The following ALDH1A3 variants were observed in gnomAD, a reference collection of about 807,000 sequenced individuals.
ALDH1A3 encodes retinaldehyde dehydrogenase 3.
A neutral mutation model predicts 57.5 loss-of-function variants in ALDH1A3; 28 were observed. That is an observed-to-expected ratio of 0.49 (90% CI 0.36 to 0.67). The LOEUF (loss-of-function observed/expected upper bound fraction) is 0.67. ALDH1A3 is among the 30% of genes least tolerant of loss of function. ALDH1A3 has a pLI of 0.00. For missense variants in ALDH1A3, 507 were observed against 669.4 expected (o/e 0.76, Z 2.68); for synonymous variants, 281 against 264.8 (o/e 1.06, Z -0.59).
intron 9 of ALDH1A3, among the ~76,000 whole-genome samples, chr15:100,903,781 A>G (rs2041794647): frequency 6.6e-6 from 1 of 152,200 alleles, no homozygotes; most frequent in Non-Finnish European, 1.5e-5. Flanking sequence ...CTTATTATAT[A>G]TTTAAAAACC....
intron 8 of ALDH1A3, among the ~76,000 whole-genome samples, 188 bp downstream of exon 8, chr15:100,898,373 G>T (rs1479238527): frequency 6.6e-6 from 1 of 152,264 alleles, no homozygotes; most frequent in East Asian, 1.9e-4. Context: ...CAAAATGCCA[G>T]CTTTACTTCT....
chr15:100,895,449 CAAA>C (rs796542093), intron 6 of ALDH1A3: 24 of 131,896 alleles, frequency 1.8e-4, no homozygotes, highest in Admixed American at 6.0e-4. Context: ...GACTCCATCT[CAAA>C]AAAAAAAAAA....
intron 12 of ALDH1A3, among the ~76,000 whole-genome samples, chr15:100,910,653 C>T (rs1368909877): frequency 6.6e-6 from 1 of 152,250 alleles, no homozygotes; most frequent in Non-Finnish European, 1.5e-5. Flanking sequence ...GGACCTTGCT[C>T]AACAGGGATC....
rs774884981 is a variant in ALDH1A3, at chr15:100,898,199, C to T, written c.883+14C>T. ...CGGACGCTGACTGTGAGTCTCTGCC[C>T]TCCTGGGCTTTGCTGGGGCTTCAGG... On this transcript the variant is annotated intron_variant, in intron 8 of 12. Transcript: ENST00000329841. 1.9e-6 allele frequency: 3 copies of T among 1,611,162 alleles called. No individual in the cohort carries two copies. The highest frequency in any genetic ancestry group is 2.5e-6 in the Non-Finnish European group (3 of 1,177,758).
rs893934020 is a variant in ALDH1A3, at chr15:100,906,370, C to G, written c.1233+683C>G. On this transcript the variant is annotated intron_variant, in intron 10 of 12. Coordinates refer to ENST00000329841, the MANE Select transcript of ALDH1A3 (RefSeq NM_000693.4). This position sits in a 1 kb window ranked among gnomAD's most constrained non-coding sequence, Gnocchi z 4.8. ...TTTGGGGCACATAAAAGGATGAGTC[C>G]CTGCCAAGGGCTTTCTGGGGCAGGT... Among the ~76,000 whole-genome samples, 2 of 152,112 alleles carry G rather than the reference C, an allele frequency of 1.3e-5. No individual in the cohort carries two copies. Among genetic ancestry groups the G allele is most frequent in the African/African-American group, 4.8e-5 (2 of 41,416 alleles).
chr15:100,902,434 C>G (rs1248151852), intron 9 of ALDH1A3, among the ~76,000 whole-genome samples: 1 of 152,234 alleles, frequency 6.6e-6, no homozygotes, highest in African/African-American at 2.4e-5. Context: ...AGAGGACTTA[C>G]AGCTGTCTAA....
intron 1 of ALDH1A3, among the ~76,000 whole-genome samples, chr15:100,883,134 A>T (rs569830914): frequency 1.8e-4 from 28 of 152,208 alleles, no homozygotes; most frequent in South Asian, 1.2e-3. Context: ...CCTTATTTAT[A>T]TTCTCTTCTG....
Position 100,894,365 on chromosome 15 carries a change from A to AC in ALDH1A3, c.666+283_666+284insC, listed in dbSNP as rs1555454749. 1.2e-4 allele frequency: 33 copies of AC among 274,790 alleles called. No homozygotes were observed. The highest frequency in any genetic ancestry group is 7.5e-4 in the East Asian group (10 of 13,260). 17.0% of individuals were successfully genotyped at this position (274,790 alleles called of 1,614,324 possible). A position where few individuals can be genotyped will look rare whatever the true frequency, so the allele number is the denominator to read the frequency against. On this transcript the variant is annotated intron_variant, in intron 6 of 12. Coordinates refer to ENST00000329841, the MANE Select transcript of ALDH1A3 (RefSeq NM_000693.4). The surrounding 1 kb of genome is among the most constrained non-coding windows in gnomAD (Gnocchi z 4.5). ...CCAGTGGTTTGTCTAGAGAATTTTCAGGGGGGGTCAACCAAGAGGGAGCCA... is the reference window on the plus strand; with the variant it reads ...CCAGTGGTTTGTCTAGAGAATTTTCACGGGGGGGTCAACCAAGAGGGAGCCA...
At position 100,908,517 on chromosome 15, in the gene ALDH1A3, C is replaced by T. The variant is rs756023264; in HGVS notation, c.1466+35C>T. 4.5e-6 allele frequency: 7 copies of T among 1,556,366 alleles called. No homozygotes were observed. The South Asian group carries it at 7.8e-5, about 17-fold the overall frequency. ...TCCATCATTCTGAGCCTGCCGTGGGCTGAACACTAGATCCACTAGATTTGC... is the reference window on the plus strand; with the variant it reads ...TCCATCATTCTGAGCCTGCCGTGGGTTGAACACTAGATCCACTAGATTTGC... On this transcript the variant is annotated intron_variant, in intron 12 of 12. Coordinates refer to ENST00000329841, the MANE Select transcript of ALDH1A3 (RefSeq NM_000693.4).
In ALDH1A3 at chr15:100,895,956, G is replaced by A. The variant is rs61757679; in HGVS notation, c.690G>A (p.Val230=). The part of the protein sequence containing the change: ...IKEAGFPPGV[V]NIVPGFGPTV... ...AGGCCGGGTTCCCTCCAGGAGTGGT[G>A]AACATTGTGCCAGGATTCGGGCCCA... Residue 230 remains valine, a synonymous_variant, in exon 7 of 13, where the codon GTG becomes GTA. Coordinates refer to ENST00000329841, the MANE Select transcript of ALDH1A3 (RefSeq NM_000693.4). 1,638 of 1,613,560 alleles carry A rather than the reference G, an allele frequency of 1.0e-3. 1 individual carries two copies. The highest frequency in any genetic ancestry group is 1.2e-3 in the Non-Finnish European group (1,471 of 1,179,770).
rs2041833034 is a variant in ALDH1A3, at chr15:100,907,413, A to G, written c.1391+135A>G. 7.9e-6 allele frequency: 8 copies of G among 1,018,280 alleles called. No individual in the cohort carries two copies. The South Asian group carries it at 1.5e-4, about 19-fold the overall frequency. The allele number at this position is 1,018,280 out of a possible 1,614,324, so 63.1% of individuals were successfully genotyped here. A position where few individuals can be genotyped will look rare whatever the true frequency, so the allele number is the denominator to read the frequency against. ...AAGCCCTGTCTCAGTGCTTCCTTCC[A>G]TCCTCATGACCATCTTCTGAGGTAG... On this transcript the variant is annotated intron_variant, in intron 11 of 12. Coordinates refer to ENST00000329841, the MANE Select transcript of ALDH1A3 (RefSeq NM_000693.4).
chr15:100,900,863 G>A, intron 9 of ALDH1A3, 104 bp downstream of exon 9: 2 of 1,260,296 alleles, frequency 1.6e-6, no homozygotes, highest in African/African-American at 1.5e-5. Flanking sequence ...AAGGAATGCT[G>A]ACCTGTCCTG....
chr15:100,895,587 C>G (rs2041694054), intron 6 of ALDH1A3: 2 of 325,754 alleles, frequency 6.1e-6, no homozygotes, highest in Non-Finnish European at 1.2e-5. Context: ...CTCACACACA[C>G]ACACACCCCA....
chr15:100,898,829 G>C (rs2041737875), intron 8 of ALDH1A3, among the ~76,000 whole-genome samples: 1 of 152,204 alleles, frequency 6.6e-6, no homozygotes, highest in Non-Finnish European at 1.5e-5. Flanking sequence ...ATTGTTGGCT[G>C]CCATGTCCAC....
chr15:100,912,747 T>C (rs1241517602), intron 12 of ALDH1A3, among the ~76,000 whole-genome samples: 1 of 152,210 alleles, frequency 6.6e-6, no homozygotes, highest in African/African-American at 2.4e-5. Flanking sequence ...GTTTTCCTAT[T>C]TGATAGTTGA....
At chr15:100,888,907 C>G (rs8035722) in intron 3 of ALDH1A3, 149,659 of 152,314 alleles carry the variant, frequency 0.98, 73,575 homozygotes, top group East Asian at 1. Context: ...TCTAACCTCA[C>G]CTACATGCAC....
chr15:100,907,152 T>A lies in ALDH1A3; in HGVS notation c.1265T>A (p.Phe422Tyr). The change falls in exon 11 of 13, where the codon TTC becomes TAC. Residue 422 changes from phenylalanine to tyrosine, a missense_variant. Physicochemically the swap from Phe to Tyr is conservative, Grantham distance 22. This residue lies in a region of ALDH1A3 where 432 missense variants were observed against 608.4 expected (regional missense o/e 0.71). Coordinates refer to ENST00000329841, the MANE Select transcript of ALDH1A3 (RefSeq NM_000693.4). Reference protein sequence around the residue: ...IFGPVQPILKFKSIEEVIKRA... With the variant: ...IFGPVQPILKYKSIEEVIKRA... Reference sequence around the variant, plus strand: ...GGGCCAGTGCAACCAATACTGAAGTTCAAAAGTATCGAAGAAGTGATAAAA... The same window carrying A: ...GGGCCAGTGCAACCAATACTGAAGTACAAAAGTATCGAAGAAGTGATAAAA... The A allele has an allele frequency of 3.1e-6, 5 of 1,614,082 alleles. No individual in the cohort carries two copies. The highest frequency in any genetic ancestry group is 3.4e-6 in the Non-Finnish European group (4 of 1,180,006).
At chr15:100,896,940 C>T (rs2041710468) in intron 7 of ALDH1A3, among the ~76,000 whole-genome samples, 1 of 152,200 alleles carries the variant, frequency 6.6e-6, no homozygotes, top group African/African-American at 2.4e-5. Context: ...GAAATCCTTA[C>T]TGATGGCCAC....
chr15:100,887,831 C>A lies in ALDH1A3; in HGVS notation c.345+119C>A, dbSNP rs1235378947. Reference sequence around the variant, plus strand: ...GGTTTTGTGTGGTCGTGGGTCTGTTCCATCCTCTGAGACACGGCTCTCTGG... The same window carrying A: ...GGTTTTGTGTGGTCGTGGGTCTGTTACATCCTCTGAGACACGGCTCTCTGG... On this transcript the variant is annotated intron_variant, in intron 3 of 12. Coordinates refer to ENST00000329841, the MANE Select transcript of ALDH1A3 (RefSeq NM_000693.4). This position sits in a 1 kb window ranked among gnomAD's most constrained non-coding sequence, Gnocchi z 4.6. 2 of 1,256,740 alleles carry A rather than the reference C, an allele frequency of 1.6e-6. No individual in the cohort carries two copies. Among genetic ancestry groups the A allele is most frequent in the Non-Finnish European group, 2.1e-6 (2 of 947,514 alleles). 77.8% of individuals were successfully genotyped at this position (1,256,740 alleles called of 1,614,324 possible).
Sources: allele counts gnomAD v4.1 joint callset (sites outside exome capture counted in the v4.1 genomes callset), GRCh38; gene constraint gnomAD v4.1.1; regional missense constraint gnomAD v4.1.1; non-coding constraint Gnocchi (gnomAD v3.1); transcripts MANE v1.5; gene names NCBI Gene and HGNC (gene_info 2026-07-23, HGNC 2026-07-21).